The following BMP7 variants were observed in gnomAD, a reference collection of about 807,000 sequenced individuals.
BMP7 encodes the protein osteogenic protein 1.
BMP7 carries 12 observed loss-of-function variants against 41.2 expected under a neutral mutation model. That is an observed-to-expected ratio of 0.29 (90% CI 0.19 to 0.47). The LOEUF (loss-of-function observed/expected upper bound fraction) is 0.47. Among genes scored for constraint, BMP7 ranks in the 20% least tolerant of loss-of-function variants. The probability of loss-of-function intolerance (pLI) is 0.99; values close to 1 mark genes in which losing one functional copy is unlikely to be tolerated. For missense variants in BMP7, 467 were observed against 606.0 expected, an observed-to-expected ratio of 0.77 and a Z score of 2.41; for synonymous variants, 248 against 250.0, an observed-to-expected ratio of 0.99 and a Z score of 0.07.
At chr20:57,186,878 C>T (rs762440607) in intron 3 of BMP7, among the ~76,000 whole-genome samples, 1 of 152,172 alleles carries the variant, frequency 6.6e-6, no homozygotes, top group Non-Finnish European at 1.5e-5. Flanking sequence ...TAACGTTTGG[C>T]TTTCCTGCAT....
chr20:57,191,845 TTA>T (rs1984366286), intron 3 of BMP7, among the ~76,000 whole-genome samples: 1 of 138,972 alleles, frequency 7.2e-6, no homozygotes, highest in African/African-American at 2.7e-5. Flanking sequence ...ATTTTATATA[TTA>T]TAGATATAAA....
chr20:57,185,638 C>T (rs1417236925), intron 3 of BMP7, among the ~76,000 whole-genome samples: 2 of 152,198 alleles, frequency 1.3e-5, no homozygotes, highest in Non-Finnish European at 1.5e-5. Context: ...AGAGGTCTGG[C>T]CTAGGCTTGA....
chr20:57,266,044 C>A lies in BMP7; in HGVS notation c.79G>T (p.Ala27Ser). 6.5e-7 allele frequency: 1 copy of A among 1,544,146 alleles called. No individual in the cohort carries two copies. The stretch of plus-strand genomic sequence containing the variant: ...TTGTCCAGGCTGAAGTCGGCCAGGG[C>A]GGAGCGCAGCAGGAACAGGGGTGCC... Reference protein sequence around the residue: ...LWAPLFLLRSALADFSLDNEV... With the variant: ...LWAPLFLLRSSLADFSLDNEV... The change falls in exon 1 of 7, where the codon GCC (alanine) becomes TCC (serine). Residue 27 changes from alanine (A) to serine (S), a missense_variant. Transcript: ENST00000395863.
chr20:57,244,970 A>AG (rs1398797264), intron 1 of BMP7, among the ~76,000 whole-genome samples: 1 of 152,256 alleles, frequency 6.6e-6, no homozygotes, highest in Non-Finnish European at 1.5e-5. Context: ...CATTAGGCCC[A>AG]GGAGATGCAG....
intron 1 of BMP7, among the ~76,000 whole-genome samples, chr20:57,251,217 C>T (rs1290124200): frequency 1.3e-5 from 2 of 152,140 alleles, no homozygotes; most frequent in Non-Finnish European, 2.9e-5. Context: ...ATGGGATCTT[C>T]ACAGCAGCCC....
chr20:57,199,144 G>A (rs1050107998), intron 3 of BMP7, among the ~76,000 whole-genome samples: 2 of 152,126 alleles, frequency 1.3e-5, no homozygotes, highest in African/African-American at 4.8e-5. Context: ...CAGCCAGCTC[G>A]GGGCCAGGCA....
At chr20:57,245,631 A>G (rs2066087118) in intron 1 of BMP7, among the ~76,000 whole-genome samples, 3 of 143,604 alleles carry the variant, frequency 2.1e-5, no homozygotes, top group Admixed American at 1.4e-4. Context: ...TCCTGTGATT[A>G]GTGATTTTTT....
At chr20:57,241,889 A>G (rs1413570670) in intron 1 of BMP7, among the ~76,000 whole-genome samples, 1 of 152,214 alleles carries the variant, frequency 6.6e-6, no homozygotes, top group Non-Finnish European at 1.5e-5. Context: ...GGGAGAGGGA[A>G]AAAAGATGGG....
At chr20:57,233,938 A>T (rs973271527) in intron 1 of BMP7, among the ~76,000 whole-genome samples, 1 of 152,240 alleles carries the variant, frequency 6.6e-6, no homozygotes, top group African/African-American at 2.4e-5. Context: ...TGTTACAAAC[A>T]CGAGAAAACA....
intron 1 of BMP7, among the ~76,000 whole-genome samples, chr20:57,245,488 A>G (rs1466155997): frequency 6.6e-6 from 1 of 152,140 alleles, no homozygotes; most frequent in African/African-American, 2.4e-5. Context: ...CTGGAATTAC[A>G]GGCATGAGGC....
At chr20:57,245,885 G>A (rs1401886609) in intron 1 of BMP7, among the ~76,000 whole-genome samples, 3 of 152,074 alleles carry the variant, frequency 2.0e-5, no homozygotes, top group Non-Finnish European at 4.4e-5. Flanking sequence ...TGATCTGCCC[G>A]CCTCAGCCTC....
chr20:57,264,735 T>C (rs1201923882), intron 1 of BMP7, among the ~76,000 whole-genome samples: 2 of 151,882 alleles, frequency 1.3e-5, no homozygotes, highest in Non-Finnish European at 2.9e-5. Context: ...ATACTTAAAA[T>C]AGAAGACTAG....
intron 1 of BMP7, among the ~76,000 whole-genome samples, chr20:57,250,754 C>T (rs114683792): frequency 0.032 from 4,830 of 152,238 alleles, 233 homozygotes; most frequent in African/African-American, 0.11. Context: ...TGCCCCCAGC[C>T]GGCAAGGGTG....
chr20:57,220,941 T>C (rs1232903302), intron 2 of BMP7, among the ~76,000 whole-genome samples: 3 of 152,168 alleles, frequency 2.0e-5, no homozygotes, highest in Non-Finnish European at 4.4e-5. Context: ...AGGCATCTGT[T>C]GTACATGCGC....
rs1220253590 is a variant in BMP7, at chr20:57,228,383, G to T, written c.457C>A (p.His153Asn). Residue 153 changes from histidine (H) to asparagine (N), a missense_variant, in exon 2 of 7, where the codon CAT becomes AAT. His to Asn is a moderately conservative substitution (Grantham distance 68, BLOSUM62 1). Around this residue, in one of 2 missense-constraint regions of BMP7, gnomAD observed 407 missense variants for 485.9 expected, o/e 0.84. Coordinates refer to ENST00000395863, the MANE Select transcript of BMP7 (RefSeq NM_001719.3). The surrounding 1 kb of genome is among the most constrained non-coding windows in gnomAD (Gnocchi z 4.5). ...GAAAGATCAAACCGGAACTCTCGAT[G>T]GTGGTAGCGTGGGTGGAAGAATTCC... ...DKEFFHPRYHHREFRFDLSKI... is the reference protein window; with the variant it reads ...DKEFFHPRYHNREFRFDLSKI... The T allele has an allele frequency of 6.2e-7, 1 of 1,614,196 alleles. No homozygotes were observed. The highest frequency in any genetic ancestry group is 8.5e-7 in the Non-Finnish European group (1 of 1,180,044).
rs765378952 is a variant in BMP7 at position 57,265,846 on chromosome 20, C to T, written c.277G>A (p.Glu93Lys). 5.6e-6 allele frequency: 9 copies of T among 1,606,972 alleles called. No homozygotes were observed. Among genetic ancestry groups the T allele is most frequent in the Non-Finnish European group, 5.9e-6 (7 of 1,177,236 alleles). ...MLDLYNAMAV[E>K]EGGGPGGQGF... ...TGGCCGCCGGGCCCGCCGCCCTCCT[C>T]CACCGCCATGGCGTTGTACAGGTCC... Residue 93 changes from glutamate to lysine, a missense_variant, in exon 1 of 7, where the codon GAG becomes AAG. Glu to Lys is a moderately conservative substitution (Grantham distance 56, BLOSUM62 1). Transcript: ENST00000395863.
intron 1 of BMP7, among the ~76,000 whole-genome samples, chr20:57,241,484 G>A (rs1200477743): frequency 6.6e-6 from 1 of 152,186 alleles, no homozygotes; most frequent in Non-Finnish European, 1.5e-5. Flanking sequence ...GGCCCTGCCT[G>A]GCAAAGGGCA....
intron 1 of BMP7, among the ~76,000 whole-genome samples, chr20:57,247,421 A>T (rs2066094624): frequency 6.6e-6 from 1 of 152,236 alleles, no homozygotes. Context: ...TCAAGGCAAG[A>T]CAATGGGGAC....
chr20:57,216,191 C>T (rs151165258), intron 2 of BMP7, among the ~76,000 whole-genome samples: 1 of 152,290 alleles, frequency 6.6e-6, no homozygotes, highest in East Asian at 1.9e-4. Context: ...GGTAGGCCCT[C>T]ACCAGGTCCC....
Sources: allele counts gnomAD v4.1 joint callset (sites outside exome capture counted in the v4.1 genomes callset), GRCh38; gene constraint gnomAD v4.1.1; regional missense constraint gnomAD v4.1.1; non-coding constraint Gnocchi (gnomAD v3.1); transcripts MANE v1.5; gene names NCBI Gene and HGNC (gene_info 2026-07-23, HGNC 2026-07-21).